The following SYNPO variants were observed in gnomAD, a reference collection of about 807,000 sequenced individuals.
The protein encoded by SYNPO is synaptopodin.
A neutral mutation model predicts 49.5 loss-of-function variants in SYNPO; 19 were observed. The observed-to-expected ratio is 0.38, with a 90% confidence interval of 0.27 to 0.56. SYNPO has a LOEUF of 0.56. Among genes scored for constraint, SYNPO ranks in the 20% least tolerant of loss-of-function variants. SYNPO has a pLI of 0.68. For synonymous variants in SYNPO, 536 were observed against 548.0 expected (o/e 0.98, Z 0.31); for missense variants, 1,131 against 1,248.3 (o/e 0.91, Z 1.42).
At chr5:150,592,765 G>A in the SYNPO span, among the ~76,000 whole-genome samples, 1 of 152,238 alleles carries the variant, frequency 6.6e-6, no homozygotes, top group African/African-American at 2.4e-5. Context: ...TCGAGTGACT[G>A]TGGTTTGTGA....
Position 150,657,428 on chromosome 5 carries a change from TCTCTCACACACA to T in SYNPO, c.*343_*354del, listed in dbSNP as rs1321422967. On this transcript the variant is annotated 3_prime_UTR_variant, in exon 3 of 3. Coordinates refer to ENST00000307662, the MANE Select transcript of SYNPO (RefSeq NM_007286.6). The stretch of plus-strand genomic sequence containing the variant: ...CACACTCTCTCTTTCTCTCTCTCTC[TCTCTCACACACA>T]CACACACACACACACACACACACAC... The T allele has an allele frequency of 6.0e-4, 102 of 169,304 alleles. 1 individual carries two copies. Among genetic ancestry groups the T allele is most frequent in the Admixed American group, 4.0e-3 (55 of 13,594 alleles). The allele number at this position is 169,304 out of a possible 1,614,324, so 10.5% of individuals were successfully genotyped here. A position where few individuals can be genotyped will look rare whatever the true frequency, so the allele number is the denominator to read the frequency against.
the SYNPO span, among the ~76,000 whole-genome samples, chr5:150,588,490 A>T: frequency 6.6e-6 from 1 of 152,228 alleles, no homozygotes; most frequent in Admixed American, 6.5e-5. Flanking sequence ...GGGGCTCCAC[A>T]TGTTGGGAAG....
At chr5:150,645,501 C>G (rs6880769) in intron 1 of SYNPO, among the ~76,000 whole-genome samples, 16,459 of 152,194 alleles carry the variant, frequency 0.11, 2,628 homozygotes, top group African/African-American at 0.35. Context: ...TGCCAGCTGG[C>G]CACTGGGGAT....
intron 1 of SYNPO, among the ~76,000 whole-genome samples, chr5:150,603,040 GT>G (rs1756592356): frequency 1.3e-5 from 2 of 151,434 alleles, no homozygotes; most frequent in African/African-American, 4.9e-5. Context: ...GTGTGTGTGT[GT>G]GGTGTATGCT....
rs1268884455 is a variant in SYNPO, at chr5:150,648,493, T to C, written c.218T>C (p.Leu73Pro). 1 of 1,613,960 alleles carries C rather than the reference T, an allele frequency of 6.2e-7. No homozygotes were observed. The change falls in exon 2 of 3, where the codon CTT (leucine) becomes CCT (proline). Residue 73 changes from leucine to proline, a missense_variant. Leu to Pro is a moderately conservative substitution (Grantham distance 98). Transcript: ENST00000307662. The surrounding 1 kb of genome is among the most constrained non-coding windows in gnomAD (Gnocchi z 5.0). ...CCAGCTGCAGATGTCAACCAAAACC[T>C]TGCCTCGCCCAGTGCCACGCTCACC... Reference protein sequence around the residue: ...HSPAADVNQNLASPSATLTTP... With the variant: ...HSPAADVNQNPASPSATLTTP...
chr5:150,640,982 C>T, intron 1 of SYNPO, 128 bp downstream of exon 1: 1 of 458,290 alleles, frequency 2.2e-6, no homozygotes, highest in Non-Finnish European at 2.9e-6. Flanking sequence ...TGATTTCTGC[C>T]AGCCTGTGAG....
chr5:150,656,575 G>T lies in SYNPO; in HGVS notation c.2200G>T (p.Glu734Ter). The change falls in exon 3 of 3, where the codon GAG becomes TAG. Residue 734 changes from glutamate (E) to a stop codon, truncating the protein, a stop_gained. Transcript: ENST00000307662. LOFTEE classifies it low-confidence loss of function (END_TRUNC). ...ACCGCCCATGTCTCCCTCGTGGAGC[G>T]AGCGCTCGGTGTCCCCGCTGCGACC... ...PPPPMSPSWS[E>*]RSVSPLRPET... The T allele has an allele frequency of 1.3e-6, 2 of 1,520,954 alleles. No individual in the cohort carries two copies. The highest frequency in any genetic ancestry group is 2.6e-5 in the East Asian group (1 of 39,028). The allele number at this position is 1,520,954 out of a possible 1,614,324, so 94.2% of individuals were successfully genotyped here.
At chr5:150,606,526 C>T (rs769800804) in intron 1 of SYNPO, among the ~76,000 whole-genome samples, 18 of 152,350 alleles carry the variant, frequency 1.2e-4, no homozygotes, top group African/African-American at 2.6e-4. Flanking sequence ...TGTGCAGAGC[C>T]GGCTGCCGAA....
intron 2 of SYNPO, among the ~76,000 whole-genome samples, chr5:150,631,345 G>C (rs1757529617): frequency 1.3e-5 from 2 of 152,222 alleles, no homozygotes; most frequent in Non-Finnish European, 2.9e-5. Flanking sequence ...CTTGGGACCT[G>C]TGAACAGACC....
At chr5:150,621,551 G>T (rs987703382) in intron 2 of SYNPO, among the ~76,000 whole-genome samples, 1 of 152,136 alleles carries the variant, frequency 6.6e-6, no homozygotes, top group Non-Finnish European at 1.5e-5. Flanking sequence ...GCGGATTAGG[G>T]CTTCATTTTA....
chr5:150,609,758 A>G (rs889557138), intron 1 of SYNPO, among the ~76,000 whole-genome samples: 8 of 89,542 alleles, frequency 8.9e-5, no homozygotes, highest in Non-Finnish European at 1.4e-4. Flanking sequence ...AAACTGGGGG[A>G]CAGGGTGAGG....
At chr5:150,642,504 T>G (rs1199565287) in intron 1 of SYNPO, among the ~76,000 whole-genome samples, 1 of 152,258 alleles carries the variant, frequency 6.6e-6, no homozygotes, top group East Asian at 1.9e-4. Flanking sequence ...CCCTGTAGCC[T>G]TTGGCTACCT....
At chr5:150,602,551 T>G (rs1193993810) in intron 1 of SYNPO, among the ~76,000 whole-genome samples, 1 of 152,210 alleles carries the variant, frequency 6.6e-6, no homozygotes, top group African/African-American at 2.4e-5. Flanking sequence ...AAGATCCTTG[T>G]GTTCTGTCCC....
chr5:150,634,642 G>A (rs1024120740), intron 2 of SYNPO, among the ~76,000 whole-genome samples: 1 of 152,100 alleles, frequency 6.6e-6, no homozygotes, highest in African/African-American at 2.4e-5. Flanking sequence ...AACAAAGTGA[G>A]ACCTCGTCTG....
At chr5:150,634,858 ACACAC>A (rs373345931) in intron 2 of SYNPO, among the ~76,000 whole-genome samples, 3,951 of 69,646 alleles carry the variant, frequency 0.057, 111 homozygotes, top group African/African-American at 0.2. Flanking sequence ...ACACACACAC[ACACAC>A]CACACACACA....
At chr5:150,597,591 C>T (rs1756447367), upstream of SYNPO, among the ~76,000 whole-genome samples, 1 of 152,166 alleles carries the variant, frequency 6.6e-6, no homozygotes, top group African/African-American at 2.4e-5. Context: ...ACCTCGGCCT[C>T]CCAAAGAGCT....
At chr5:150,620,892 T>TC (rs1170718467) in intron 2 of SYNPO, among the ~76,000 whole-genome samples, 16 of 146,246 alleles carry the variant, frequency 1.1e-4, no homozygotes, top group South Asian at 8.9e-4. Context: ...TCTTTTTTTC[T>TC]TTTTTTCTCT....
Position 150,647,969 on chromosome 5 carries a change from G to A in SYNPO, c.-307G>A, listed in dbSNP as rs772142881. 2.2e-5 allele frequency: 34 copies of A among 1,551,716 alleles called. No homozygotes were observed. Among genetic ancestry groups the A allele is most frequent in the East Asian group, 1.2e-4 (5 of 41,070 alleles). ...CGTTGGGCCGGAGCACTAGCCTCAC[G>A]GAGAAGGATCTGAAAGAAGCCAAGG... On this transcript the variant is annotated 5_prime_UTR_variant, in exon 2 of 3. Coordinates refer to ENST00000307662, the MANE Select transcript of SYNPO (RefSeq NM_007286.6).
upstream of SYNPO, among the ~76,000 whole-genome samples, chr5:150,599,431 G>A (rs866413291): frequency 2.8e-4 from 43 of 152,306 alleles, no homozygotes; most frequent in African/African-American, 9.4e-4. Context: ...AGTGGTATGC[G>A]GTGCTGAGTA....
Sources: gnomAD v4.1 joint callset for allele counts (sites outside exome capture counted in the v4.1 genomes callset) on GRCh38, gnomAD v4.1.1 for gene constraint, Gnocchi (gnomAD v3.1) non-coding constraint, MANE v1.5 for transcripts, NCBI Gene and HGNC (gene_info 2026-07-23, HGNC 2026-07-21) for gene names.